The following KIF24 variants were observed in gnomAD, a reference collection of about 807,000 sequenced individuals.
KIF24 encodes kinesin family member 24.
In KIF24, 81 loss-of-function variants were observed where a neutral mutation model predicts 118.9. The ratio of observed to expected loss-of-function variants is 0.68; its 90% CI spans 0.57 to 0.82. The LOEUF is 0.82. KIF24 is among the 40% of genes least tolerant of loss of function. The probability of loss-of-function intolerance (pLI) is 0.00; values close to 1 mark genes in which losing one functional copy is unlikely to be tolerated. For synonymous variants in KIF24, 599 were observed against 610.0 expected, an observed-to-expected ratio of 0.98 and a Z score of 0.27; for missense variants, 1,560 against 1,661.6, an observed-to-expected ratio of 0.94 and a Z score of 1.06.
chr9:34,309,468 G>C (rs886606782), intron 2 of KIF24, among the ~76,000 whole-genome samples: 1 of 150,222 alleles, frequency 6.7e-6, no homozygotes. Context: ...ATGAACCCGG[G>C]AGGCGGAGCT....
chr9:34,328,691 C>T (rs991331673), intron 1 of KIF24, among the ~76,000 whole-genome samples: 2 of 152,176 alleles, frequency 1.3e-5, no homozygotes, highest in Non-Finnish European at 2.9e-5. Context: ...ATGTGCAAGA[C>T]ATTGTGAACG....
At chr9:34,297,578 C>T (rs752296918) in intron 3 of KIF24, among the ~76,000 whole-genome samples, 5 of 152,106 alleles carry the variant, frequency 3.3e-5, no homozygotes, top group East Asian at 3.9e-4. Flanking sequence ...CTGGCTAACA[C>T]GGTGAAACCC....
intron 1 of KIF24, among the ~76,000 whole-genome samples, chr9:34,324,368 G>C (rs1423373419): frequency 6.6e-6 from 1 of 152,108 alleles, no homozygotes; most frequent in African/African-American, 2.4e-5. Flanking sequence ...AGAACTAAAC[G>C]AGAAAGCATC....
intron 10 of KIF24, among the ~76,000 whole-genome samples, 175 bp from the exon 11 acceptor site, chr9:34,258,156 C>G (rs1448824896): frequency 1.3e-5 from 2 of 151,972 alleles, no homozygotes; most frequent in Admixed American, 1.3e-4. Context: ...ATGAGATATC[C>G]CTCTGTACCT....
At chr9:34,307,948 A>G (rs1358560025) in intron 2 of KIF24, among the ~76,000 whole-genome samples, 5 of 151,416 alleles carry the variant, frequency 3.3e-5, no homozygotes, top group African/African-American at 1.2e-4. Context: ...CTTCTTTTGC[A>G]TATGTTTGAT....
chr9:34,292,908 C>A (rs930320450), intron 4 of KIF24, among the ~76,000 whole-genome samples: 5 of 152,060 alleles, frequency 3.3e-5, no homozygotes, highest in African/African-American at 1.2e-4. Flanking sequence ...CAAAAAGCAA[C>A]AATACAGGAG....
At chr9:34,306,577 C>T (rs543081354) in intron 2 of KIF24, 136 bp from the exon 3 acceptor site, 20 of 547,626 alleles carry the variant, frequency 3.7e-5, no homozygotes, top group African/African-American at 7.6e-5. Flanking sequence ...CCGAGGTGGG[C>T]GGATCACGAT....
intron 3 of KIF24, among the ~76,000 whole-genome samples, chr9:34,300,461 C>G (rs1836656627): frequency 6.6e-6 from 1 of 152,008 alleles, no homozygotes; most frequent in Middle Eastern, 3.4e-3. Flanking sequence ...CTCCCACTCC[C>G]TGCTTCAAGC....
At chr9:34,258,119 G>C (rs926422367) in intron 10 of KIF24, 138 bp from the exon 11 acceptor site, 17 of 681,488 alleles carry the variant, frequency 2.5e-5, no homozygotes, top group Admixed American at 8.5e-5. Context: ...GATAGAATAA[G>C]AGGAAAAGGG....
Position 34,254,566 on chromosome 9 carries a change from G to A in KIF24, c.3967-46C>T, listed in dbSNP as rs545426808. On this transcript the variant is annotated intron_variant, in intron 12 of 12. Transcript: ENST00000402558. ...GAATACAGCTTTTGCTCTTGCTGGC[G>A]CTCTGCCAGATCTGCTTTTTCAGTC... The A allele has an allele frequency of 1.3e-4, 209 of 1,586,936 alleles. No homozygotes were observed. In the East Asian group the frequency reaches 4.2e-3, roughly 32 times the overall value.
At chr9:34,323,526 T>C (rs1204962982) in intron 1 of KIF24, among the ~76,000 whole-genome samples, 1 of 152,234 alleles carries the variant, frequency 6.6e-6, no homozygotes, top group African/African-American at 2.4e-5. Context: ...AATTCAGTGC[T>C]TTATTTTTAA....
At chr9:34,295,103 C>T (rs529795071) in intron 4 of KIF24, among the ~76,000 whole-genome samples, 16 of 151,944 alleles carry the variant, frequency 1.1e-4, no homozygotes, top group African/African-American at 3.9e-4. Context: ...ATCATACATG[C>T]CTACAATTTT....
In KIF24 at chr9:34,311,105, C is replaced by T. The variant is rs899263558; in HGVS notation, c.242G>A (p.Ser81Asn). The change falls in exon 2 of 13, where the codon AGC becomes AAC. Residue 81 changes from serine to asparagine, a missense_variant. By Grantham distance (46) the Ser-to-Asn change is conservative. Coordinates refer to ENST00000402558, the MANE Select transcript of KIF24 (RefSeq NM_194313.4). ...TTCCTGAGATTTGATGCGCAGGCTG[C>T]TTGTCTGAAGATGACGCTCTGGGAT... ...VSIPERHLQT[S>N]SLRIKSQELR... 1.5e-5 allele frequency: 25 copies of T among 1,613,592 alleles called. No homozygotes were observed. Among genetic ancestry groups the T allele is most frequent in the Non-Finnish European group, 2.0e-5 (24 of 1,179,692 alleles).
chr9:34,332,480 C>A (rs1837970164), upstream of KIF24, among the ~76,000 whole-genome samples: 1 of 152,196 alleles, frequency 6.6e-6, no homozygotes, highest in Non-Finnish European at 1.5e-5. Flanking sequence ...ATCTATCTGT[C>A]AATCCTTCAC....
At position 34,278,537 on chromosome 9, in the gene KIF24, T is replaced by G. The variant is rs1029756344; in HGVS notation, c.1216-6607A>C. Among the ~76,000 whole-genome samples the G allele has an allele frequency of 6.5e-4, 91 of 141,028 alleles. 1 individual carries two copies. Among genetic ancestry groups the G allele is most frequent in the African/African-American group, 2.3e-3 (88 of 37,538 alleles). The allele number at this position is 141,028 out of a possible 152,430, so 92.5% of individuals were successfully genotyped here. ...TCATGGAAAAATATAGCTTTAGAGATCAACATGAAATATCATGGGCTCCCT... is the reference window on the plus strand; with the variant it reads ...TCATGGAAAAATATAGCTTTAGAGAGCAACATGAAATATCATGGGCTCCCT... On this transcript the variant is annotated intron_variant, in intron 6 of 12. Transcript: ENST00000402558.
chr9:34,260,045 T>TGGC (rs1188758813), intron 9 of KIF24, among the ~76,000 whole-genome samples: 1 of 152,130 alleles, frequency 6.6e-6, no homozygotes, highest in African/African-American at 2.4e-5. Flanking sequence ...GAGGGCAGTT[T>TGGC]GGCAATATGT....
At chr9:34,272,080 T>A in intron 6 of KIF24, 150 bp from the exon 7 acceptor site, 1 of 582,506 alleles carries the variant, frequency 1.7e-6, no homozygotes, top group Non-Finnish European at 2.9e-6. Flanking sequence ...GCTCAAACAC[T>A]AAATTATACC....
Position 34,318,710 on chromosome 9 carries a change from A to C in KIF24, c.-25-7339T>G, listed in dbSNP as rs10972056. On this transcript the variant is annotated intron_variant, in intron 1 of 12. Transcript: ENST00000402558. The surrounding 1 kb of genome is among the most constrained non-coding windows in gnomAD (Gnocchi z 4.9). ...GGCAGTGCTGAGTGCCAAGCAGCTG[A>C]GCGACGAGGAGGTGCACGCCGGCGT... is the stretch of plus-strand genomic sequence containing the variant. 0.78 allele frequency: 1,174,803 copies of C among 1,507,742 alleles called. 463,270 individuals are homozygous for C. The highest frequency in any genetic ancestry group is 0.94 in the East Asian group (40,584 of 43,130). The allele number at this position is 1,507,742 out of a possible 1,614,324, so 93.4% of individuals were successfully genotyped here. A position where few individuals can be genotyped will look rare whatever the true frequency, so the allele number is the denominator to read the frequency against.
At chr9:34,271,451 T>C (rs372431851) in intron 7 of KIF24, among the ~76,000 whole-genome samples, 1 of 152,124 alleles carries the variant, frequency 6.6e-6, no homozygotes, top group Non-Finnish European at 1.5e-5. Context: ...ATGTATCCAA[T>C]TGTCTTATGG....
Sources: allele counts gnomAD v4.1 joint callset (sites outside exome capture counted in the v4.1 genomes callset), GRCh38; gene constraint gnomAD v4.1.1; non-coding constraint Gnocchi (gnomAD v3.1); transcripts MANE v1.5; gene names NCBI Gene and HGNC (gene_info 2026-07-23, HGNC 2026-07-21).